The following AHCYL2 variants were observed in gnomAD, a reference collection of about 807,000 sequenced individuals.
The protein encoded by AHCYL2 is adenosylhomocysteinase like 2.
AHCYL2 carries 28 observed loss-of-function variants against 81.4 expected under a neutral mutation model. The ratio of observed to expected loss-of-function variants is 0.34; its 90% confidence interval spans 0.25 to 0.47. The LOEUF (loss-of-function observed/expected upper bound fraction) is 0.47. Ranked by LOEUF, AHCYL2 falls within the 20% of genes least tolerant of loss-of-function variation. The probability of loss-of-function intolerance (pLI) is 1.00; values close to 1 mark genes in which losing one functional copy is unlikely to be tolerated. For missense variants in AHCYL2, 551 were observed against 785.1 expected (o/e 0.70, Z 3.56); for synonymous variants, 272 against 290.2 (o/e 0.94, Z 0.64).
Position 129,225,039 on chromosome 7 carries a change from A to C in AHCYL2, c.-38A>C, listed in dbSNP as rs1794151967. 1.3e-6 allele frequency: 2 copies of C among 1,562,536 alleles called. No homozygotes were observed. On this transcript the variant is annotated 5_prime_UTR_variant, in exon 1 of 17. Coordinates refer to ENST00000325006, the MANE Select transcript of AHCYL2 (RefSeq NM_015328.4). The stretch of plus-strand genomic sequence containing the variant: ...GGAGGCGGGGCCGACCAAGAGCAGG[A>C]GCTGGAGTCTGAGCCGGTGGTTGCA...
chr7:129,246,062 G>GTT (rs71162581), intron 1 of AHCYL2, among the ~76,000 whole-genome samples: 23 of 140,754 alleles, frequency 1.6e-4, no homozygotes, highest in Non-Finnish European at 2.8e-4. Flanking sequence ...TGTTGGATTT[G>GTT]TTTTTTTTTT....
rs991045409 is a variant in AHCYL2, at chr7:129,419,746, C to G, written c.1462-3094C>G. Among the ~76,000 whole-genome samples the G allele has an allele frequency of 6.9e-6, 1 of 145,696 alleles. No homozygotes were observed. Among genetic ancestry groups the G allele is most frequent in the Non-Finnish European group, 1.5e-5 (1 of 65,932 alleles). Reference sequence around the variant, plus strand: ...GTTGTTCTCCCTGAAAAAAAAAAAACAAAAAAAAACCGGATATGCACTGTT... The same window carrying G: ...GTTGTTCTCCCTGAAAAAAAAAAAAGAAAAAAAAACCGGATATGCACTGTT... On this transcript the variant is annotated intron_variant, in intron 12 of 16. Coordinates refer to ENST00000325006, the MANE Select transcript of AHCYL2 (RefSeq NM_015328.4). This position sits in a 1 kb window ranked among gnomAD's most constrained non-coding sequence, Gnocchi z 4.7.
In AHCYL2 at chr7:129,406,578, A is replaced by G; in HGVS notation, c.1295+112A>G. ...AGCCCAGATCCTCAGAGATGCTGCC[A>G]CTAACTCTAAGCATCTGTCTTTTAA... On this transcript the variant is annotated intron_variant, in intron 10 of 16. Transcript: ENST00000325006. This position sits in a 1 kb window ranked among gnomAD's most constrained non-coding sequence, Gnocchi z 4.3. 1.0e-6 allele frequency: 1 copy of G among 997,996 alleles called. No homozygotes were observed. Among genetic ancestry groups the G allele is most frequent in the Non-Finnish European group, 1.6e-6 (1 of 633,142 alleles). The allele number at this position is 997,996 out of a possible 1,614,324, so 61.8% of individuals were successfully genotyped here. A position where few individuals can be genotyped will look rare whatever the true frequency, so the allele number is the denominator to read the frequency against.
chr7:129,299,516 C>T (rs1413823098), intron 1 of AHCYL2, among the ~76,000 whole-genome samples: 1 of 151,042 alleles, frequency 6.6e-6, no homozygotes, highest in African/African-American at 2.4e-5. Flanking sequence ...GCCTCAGCCT[C>T]CCGAGTAGGT....
intron 1 of AHCYL2, among the ~76,000 whole-genome samples, chr7:129,350,955 C>T (rs1266007006): frequency 1.3e-5 from 2 of 152,038 alleles, no homozygotes; most frequent in East Asian, 3.9e-4. Flanking sequence ...CCACCCTCCT[C>T]GGCCTCCCAA....
At chr7:129,329,300 C>T (rs966878369) in intron 1 of AHCYL2, among the ~76,000 whole-genome samples, 1 of 152,196 alleles carries the variant, frequency 6.6e-6, no homozygotes, top group Non-Finnish European at 1.5e-5. Flanking sequence ...CCACCTCAGC[C>T]TCTCAAGGAG....
At chr7:129,235,351 G>T (rs1794605683) in intron 1 of AHCYL2, among the ~76,000 whole-genome samples, 1 of 148,226 alleles carries the variant, frequency 6.7e-6, no homozygotes, top group Admixed American at 6.7e-5. Flanking sequence ...CTCAAGAGAG[G>T]CTTCCACCTC....
Position 129,242,816 on chromosome 7 carries a change from A to G in AHCYL2, c.363+17377A>G, listed in dbSNP as rs866873372. ...TGAAGTGGCTTGATTCCTGTTTTCAAATCCTTACTAATATGTGGTGTCGTC... is the reference window on the plus strand; with the variant it reads ...TGAAGTGGCTTGATTCCTGTTTTCAGATCCTTACTAATATGTGGTGTCGTC... On this transcript the variant is annotated intron_variant, in intron 1 of 16. Transcript: ENST00000325006. Among the ~76,000 whole-genome samples, 23 of 152,064 alleles carry G rather than the reference A, an allele frequency of 1.5e-4. No homozygotes were observed. In the South Asian group the frequency reaches 1.7e-3, roughly 11 times the overall value.
intron 1 of AHCYL2, among the ~76,000 whole-genome samples, chr7:129,350,454 G>T (rs1452270024): frequency 6.6e-6 from 1 of 150,986 alleles, no homozygotes; most frequent in African/African-American, 2.4e-5. Context: ...CGTGGTCTCA[G>T]CTTACTGCAA....
At chr7:129,254,972 A>T (rs888746607) in intron 1 of AHCYL2, among the ~76,000 whole-genome samples, 16 of 152,178 alleles carry the variant, frequency 1.1e-4, no homozygotes, top group African/African-American at 3.9e-4. Flanking sequence ...TTCTAATAGT[A>T]GCTACATTAA....
intron 1 of AHCYL2, among the ~76,000 whole-genome samples, chr7:129,242,442 G>A (rs1285942355): frequency 6.6e-6 from 1 of 152,036 alleles, no homozygotes; most frequent in Admixed American, 6.6e-5. Flanking sequence ...TGGTGGCCGG[G>A]TGCAGTGGCT....
intron 1 of AHCYL2, among the ~76,000 whole-genome samples, chr7:129,229,034 C>A (rs940398226): frequency 4.7e-5 from 7 of 148,532 alleles, no homozygotes; most frequent in African/African-American, 1.7e-4. Context: ...GGCAGTTGGT[C>A]TGTAATAATA....
chr7:129,266,387 C>T (rs1444586075), intron 1 of AHCYL2, among the ~76,000 whole-genome samples: 1 of 152,118 alleles, frequency 6.6e-6, no homozygotes, highest in Non-Finnish European at 1.5e-5. Context: ...TGGGGCTGGG[C>T]GTGGTGGCTC....
rs548454264 is a variant in AHCYL2 at position 129,265,325 on chromosome 7, C to T, written c.363+39886C>T. Among the ~76,000 whole-genome samples, 123 of 152,262 alleles carry T rather than the reference C, an allele frequency of 8.1e-4. 1 individual carries two copies. The highest frequency in any genetic ancestry group is 2.7e-3 in the African/African-American group (113 of 41,542). ...CCCAGAAGCCCCACCCAACAACTTC[C>T]GCTTCCATTTCATCTGATAAACTCA... On this transcript the variant is annotated intron_variant, in intron 1 of 16. Coordinates refer to ENST00000325006, the MANE Select transcript of AHCYL2 (RefSeq NM_015328.4).
chr7:129,253,102 G>A (rs960337390), intron 1 of AHCYL2, among the ~76,000 whole-genome samples: 13 of 152,034 alleles, frequency 8.6e-5, no homozygotes, highest in South Asian at 2.1e-4. Flanking sequence ...AAGCTACTGG[G>A]GAGGCTGAGG....
At chr7:129,288,552 G>T (rs1181602707) in intron 1 of AHCYL2, among the ~76,000 whole-genome samples, 1 of 150,512 alleles carries the variant, frequency 6.6e-6, no homozygotes, top group Admixed American at 6.6e-5. Flanking sequence ...TAGAGACAGG[G>T]TCTCATCATA....
chr7:129,294,711 G>A (rs1419804448), intron 1 of AHCYL2, among the ~76,000 whole-genome samples: 1 of 152,152 alleles, frequency 6.6e-6, no homozygotes, highest in Non-Finnish European at 1.5e-5. Context: ...ATAAGATGGG[G>A]CAGGTATTGA....
intron 15 of AHCYL2, among the ~76,000 whole-genome samples, chr7:129,425,824 T>C (rs1441787866): frequency 6.6e-6 from 1 of 152,228 alleles, no homozygotes; most frequent in Non-Finnish European, 1.5e-5. Flanking sequence ...GTAGACACTT[T>C]AGAAGGATAT....
chr7:129,343,264 T>C (rs1338876768), intron 1 of AHCYL2, among the ~76,000 whole-genome samples: 1 of 152,150 alleles, frequency 6.6e-6, no homozygotes, highest in Non-Finnish European at 1.5e-5. Flanking sequence ...CCGTACAGTT[T>C]CCTCCCACTA....
Sources: allele counts gnomAD v4.1 joint callset (sites outside exome capture counted in the v4.1 genomes callset), GRCh38; gene constraint gnomAD v4.1.1; non-coding constraint Gnocchi (gnomAD v3.1); transcripts MANE v1.5; gene names NCBI Gene and HGNC (gene_info 2026-07-23, HGNC 2026-07-21).